Variants in NCBP1 observed in about 807,000 individuals in gnomAD.
NCBP1 encodes nuclear cap-binding protein subunit 1.
Under a neutral mutation model 111.7 loss-of-function variants are expected in NCBP1, and 16 were observed. The ratio of observed to expected loss-of-function variants is 0.14; its 90% CI spans 0.10 to 0.22. NCBP1 has a LOEUF of 0.22. Among genes scored for constraint, NCBP1 ranks in the 10% least tolerant of loss-of-function variants. The probability of loss-of-function intolerance (pLI) is 1.00; values close to 1 mark genes in which losing one functional copy is unlikely to be tolerated. For synonymous variants in NCBP1, 304 were observed against 314.3 expected (o/e 0.97, Z 0.35); for missense variants, 607 against 957.5 (o/e 0.63, Z 4.83).
chr9:97,668,879 A>G lies in NCBP1; in HGVS notation c.2050A>G (p.Lys684Glu), dbSNP rs1828091483. 6.2e-7 allele frequency: 1 copy of G among 1,613,768 alleles called. No homozygotes were observed. Among genetic ancestry groups the G allele is most frequent in the Admixed American group, 1.7e-5 (1 of 59,980 alleles). Reference sequence around the variant, plus strand: ...TGATGACGACAGAAGCAGTGACAGGAAAGACGGGGTTCTTGAGGAACAAAT... The same window carrying G: ...TGATGACGACAGAAGCAGTGACAGGGAAGACGGGGTTCTTGAGGAACAAAT... Reference protein sequence around the residue: ...SDDDDRSSDRKDGVLEEQIER... With the variant: ...SDDDDRSSDREDGVLEEQIER... The change falls in exon 21 of 23, where the codon AAA (lysine) becomes GAA (glutamate). Residue 684 changes from lysine to glutamate, a missense_variant. Lys to Glu is a moderately conservative substitution (Grantham distance 56). Coordinates refer to ENST00000375147, the MANE Select transcript of NCBP1 (RefSeq NM_002486.5).
intron 20 of NCBP1, among the ~76,000 whole-genome samples, chr9:97,668,443 A>G (rs1828075265): frequency 6.6e-6 from 1 of 152,238 alleles, no homozygotes; most frequent in Non-Finnish European, 1.5e-5. Flanking sequence ...TTTCTAAATT[A>G]TAACAAGAAT....
rs148315038 is a variant in NCBP1 at position 97,638,362 on chromosome 9, T to C, written c.35-2432T>C. On this transcript the variant is annotated intron_variant, in intron 1 of 22. Transcript: ENST00000375147. Reference sequence around the variant, plus strand: ...GTGACTATGTACATGTATTTTCTAGTTGTTTCTCAGAAATCATACCTTCTC... The same window carrying C: ...GTGACTATGTACATGTATTTTCTAGCTGTTTCTCAGAAATCATACCTTCTC... Among the ~76,000 whole-genome samples the C allele has an allele frequency of 3.2e-4, 49 of 152,302 alleles. No homozygotes were observed. In the East Asian group the frequency reaches 9.2e-3, roughly 29 times the overall value.
intron 1 of NCBP1, among the ~76,000 whole-genome samples, chr9:97,639,318 A>G (rs1564017203): frequency 6.6e-6 from 1 of 152,138 alleles, no homozygotes; most frequent in Non-Finnish European, 1.5e-5. Context: ...GGATAGTAAT[A>G]GATTCGTTTT....
At chr9:97,664,561 C>T (rs984268785) in intron 19 of NCBP1, 118 bp downstream of exon 19, 1 of 641,604 alleles carries the variant, frequency 1.6e-6, no homozygotes, top group African/African-American at 1.8e-5. Flanking sequence ...ACTAATGGTC[C>T]AATCTGGTAG....
At chr9:97,654,653 T>C (rs1172772493) in intron 11 of NCBP1, among the ~76,000 whole-genome samples, 1 of 151,014 alleles carries the variant, frequency 6.6e-6, no homozygotes, top group Non-Finnish European at 1.5e-5. Flanking sequence ...ATTTGGGAGG[T>C]GATGAAAATA....
Position 97,648,015 on chromosome 9 carries a change from A to C in NCBP1, c.689A>C (p.Asp230Ala). The C allele has an allele frequency of 6.2e-7, 1 of 1,611,950 alleles. No homozygotes were observed. Among genetic ancestry groups the C allele is most frequent in the East Asian group, 2.2e-5 (1 of 44,868 alleles). ...DKPHPQEEYL[D>A]CLWAQIQKLK... ...AAATTAATCTGTCTTTAGTATTTAG[A>C]TTGCCTGTGGGCCCAGATTCAGAAA... The change falls in exon 8 of 23, where the codon GAT becomes GCT. Residue 230 changes from aspartate to alanine, a missense_variant. Physicochemically the swap from Asp to Ala is moderately radical, Grantham distance 126. This residue lies in a region of NCBP1 where 53 missense variants were observed against 144.8 expected (regional missense o/e 0.37). Transcript: ENST00000375147.
intron 2 of NCBP1, 116 bp downstream of exon 2, chr9:97,640,998 T>C: frequency 1.5e-6 from 1 of 669,754 alleles, no homozygotes; most frequent in East Asian, 2.8e-5. Context: ...GGTATTACCA[T>C]GCATCTGTAT....
At chr9:97,669,916 C>T (rs1377917788) in intron 22 of NCBP1, 4 of 585,316 alleles carry the variant, frequency 6.8e-6, no homozygotes, top group African/African-American at 2.1e-5. Flanking sequence ...ACCCCCCCAA[C>T]AACCCCCCGC....
At chr9:97,660,507 C>T (rs1481804807) in intron 15 of NCBP1, among the ~76,000 whole-genome samples, 2 of 152,154 alleles carry the variant, frequency 1.3e-5, no homozygotes, top group Non-Finnish European at 2.9e-5. Context: ...CTTGTTGAGA[C>T]TCAGACTTCA....
At chr9:97,659,981 T>A (rs1827785625) in intron 15 of NCBP1, among the ~76,000 whole-genome samples, 1 of 152,208 alleles carries the variant, frequency 6.6e-6, no homozygotes, top group East Asian at 1.9e-4. Context: ...CCTTTCTAGC[T>A]CCACTTCCTT....
intron 19 of NCBP1, 122 bp downstream of exon 19, chr9:97,664,565 C>CCTACCAGAT: frequency 1.6e-6 from 1 of 631,554 alleles, no homozygotes; most frequent in Non-Finnish European, 2.7e-6. Context: ...ATGGTCCAAT[C>CCTACCAGAT]TGGTAGGATT....
chr9:97,636,831 G>A (rs1256886079), intron 1 of NCBP1, among the ~76,000 whole-genome samples: 1 of 151,852 alleles, frequency 6.6e-6, no homozygotes, highest in East Asian at 1.9e-4. Flanking sequence ...GCGCTATGGA[G>A]TGATACCAGG....
intron 14 of NCBP1, among the ~76,000 whole-genome samples, 186 bp from the exon 15 acceptor site, chr9:97,658,454 T>C (rs1215761832): frequency 6.6e-6 from 1 of 152,244 alleles, no homozygotes; most frequent in African/African-American, 2.4e-5. Flanking sequence ...CAGTGAGTTT[T>C]GCAGTATGCC....
At chr9:97,660,160 T>C (rs1827790756) in intron 15 of NCBP1, among the ~76,000 whole-genome samples, 1 of 152,226 alleles carries the variant, frequency 6.6e-6, no homozygotes, top group South Asian at 2.1e-4. Context: ...TTCTTTTTTT[T>C]AGAGAAAAAG....
intron 7 of NCBP1, 50 bp downstream of exon 7, chr9:97,647,611 A>T: frequency 7.0e-7 from 1 of 1,429,086 alleles, no homozygotes; most frequent in Non-Finnish European, 9.8e-7. Flanking sequence ...GCTCTTGAAT[A>T]GATTCTTATC....
chr9:97,639,397 T>C (rs915281039), intron 1 of NCBP1, among the ~76,000 whole-genome samples: 3 of 152,188 alleles, frequency 2.0e-5, no homozygotes, highest in Admixed American at 6.5e-5. Context: ...ATTCCAAGCT[T>C]AGAATAGCCA....
chr9:97,673,197 C>T lies in NCBP1; in HGVS notation c.*1998C>T, dbSNP rs375412035. ...TATCAACTGTTTGTTATTGGTAAGT[C>T]AGCAGTGGGCTATTGGTGGTTAAGT... On this transcript the variant is annotated 3_prime_UTR_variant, in exon 23 of 23. Coordinates refer to ENST00000375147, the MANE Select transcript of NCBP1 (RefSeq NM_002486.5). The T allele has an allele frequency of 1.3e-5, 2 of 151,830 alleles. No individual in the cohort carries two copies. The highest frequency in any genetic ancestry group is 1.9e-4 in the East Asian group (1 of 5,190). The allele number at this position is 151,830 out of a possible 1,614,324, so 9.4% of individuals were successfully genotyped here. A position where few individuals can be genotyped will look rare whatever the true frequency, so the allele number is the denominator to read the frequency against.
At chr9:97,635,239 A>C (rs923868799) in intron 1 of NCBP1, among the ~76,000 whole-genome samples, 1 of 152,200 alleles carries the variant, frequency 6.6e-6, no homozygotes, top group Non-Finnish European at 1.5e-5. Flanking sequence ...GAGACTGAGC[A>C]TAACTAAGAT....
chr9:97,656,538 G>A (rs145980754), intron 14 of NCBP1, among the ~76,000 whole-genome samples: 21 of 152,156 alleles, frequency 1.4e-4, no homozygotes, highest in Admixed American at 1.3e-3. Flanking sequence ...CCGACAGAGC[G>A]ACACTCTTAT....
Sources: gnomAD v4.1 joint callset for allele counts (sites outside exome capture counted in the v4.1 genomes callset) on GRCh38, gnomAD v4.1.1 for gene constraint, gnomAD v4.1.1 regional missense constraint, MANE v1.5 for transcripts, NCBI Gene and HGNC (gene_info 2026-07-23, HGNC 2026-07-21) for gene names.